Variants in CPNE8 observed in about 807,000 individuals in gnomAD.
The protein encoded by CPNE8 is copine 8.
Under a neutral mutation model 81.5 loss-of-function variants are expected in CPNE8, and 45 were observed. That is an observed-to-expected ratio of 0.55 (90% CI 0.44 to 0.71). The LOEUF is 0.71. CPNE8 is among the 30% of genes least tolerant of loss of function. CPNE8 has a pLI of 0.00. For missense variants in CPNE8, 594 were observed against 672.1 expected (o/e 0.88, Z 1.28); for synonymous variants, 252 against 226.3 (o/e 1.11, Z -1.02).
At chr12:38,867,446 A>G (rs568718505) in intron 3 of CPNE8, among the ~76,000 whole-genome samples, 21 of 151,928 alleles carry the variant, frequency 1.4e-4, no homozygotes, top group Non-Finnish European at 2.5e-4. Context: ...GCTCAGTGTC[A>G]ATGGAATGGA....
chr12:38,856,859 C>A (rs1473863966), intron 3 of CPNE8, among the ~76,000 whole-genome samples: 1 of 151,882 alleles, frequency 6.6e-6, no homozygotes, highest in Non-Finnish European at 1.5e-5. Flanking sequence ...TATCACAAAA[C>A]CTTATGTTGT....
chr12:38,815,192 C>A (rs1031441119), intron 6 of CPNE8, among the ~76,000 whole-genome samples: 2 of 152,164 alleles, frequency 1.3e-5, no homozygotes, highest in African/African-American at 4.8e-5. Context: ...CCAGCCATAG[C>A]TCCATCTGCA....
chr12:38,857,804 G>C (rs975843427), intron 3 of CPNE8, among the ~76,000 whole-genome samples: 1 of 152,164 alleles, frequency 6.6e-6, no homozygotes, highest in South Asian at 2.1e-4. Flanking sequence ...GCTGAGGCAG[G>C]AGAATTGCTT....
chr12:38,756,989 TTAAA>T (rs1390107301), intron 10 of CPNE8, among the ~76,000 whole-genome samples: 1 of 152,198 alleles, frequency 6.6e-6, no homozygotes, highest in African/African-American at 2.4e-5. Flanking sequence ...AAACATGGGA[TTAAA>T]TAAAATATAT....
intron 1 of CPNE8, among the ~76,000 whole-genome samples, chr12:38,882,416 G>A (rs1167992219): frequency 1.3e-5 from 2 of 152,156 alleles, no homozygotes; most frequent in African/African-American, 4.8e-5. Flanking sequence ...CCAACACCTT[G>A]ATTTCAGCCC....
chr12:38,720,802 G>A (rs895369728), intron 13 of CPNE8: 2 of 152,200 alleles, frequency 1.3e-5, no homozygotes, highest in Admixed American at 6.5e-5. Flanking sequence ...TGCCTTTTCC[G>A]AGTTGGGGTA....
chr12:38,658,211 T>C (rs535302474), intron 19 of CPNE8, among the ~76,000 whole-genome samples: 5 of 152,096 alleles, frequency 3.3e-5, no homozygotes, highest in African/African-American at 1.2e-4. Context: ...TTAAATGACC[T>C]GATGGAGCTG....
At chr12:38,753,934 T>C (rs1941405751) in intron 10 of CPNE8, among the ~76,000 whole-genome samples, 1 of 152,176 alleles carries the variant, frequency 6.6e-6, no homozygotes, top group Non-Finnish European at 1.5e-5. Context: ...ACTGGGGGTC[T>C]TGGAACATAT....
At chr12:38,684,272 T>C (rs989948366) in intron 16 of CPNE8, among the ~76,000 whole-genome samples, 6 of 152,070 alleles carry the variant, frequency 3.9e-5, no homozygotes, top group African/African-American at 1.4e-4. Flanking sequence ...ATTAATGGAT[T>C]GTGAGATCAA....
intron 3 of CPNE8, among the ~76,000 whole-genome samples, chr12:38,859,514 T>C (rs1943798190): frequency 6.6e-6 from 1 of 152,182 alleles, no homozygotes; most frequent in Non-Finnish European, 1.5e-5. Flanking sequence ...TCTTGATCTT[T>C]GATTGAATGC....
chr12:38,800,986 T>C (rs1342621561), intron 6 of CPNE8, among the ~76,000 whole-genome samples: 1 of 149,856 alleles, frequency 6.7e-6, no homozygotes, highest in African/African-American at 2.5e-5. Context: ...GAGCAAAGCC[T>C]CCAAGAAATA....
chr12:38,685,016 T>C (rs1264706700), intron 16 of CPNE8, among the ~76,000 whole-genome samples: 2 of 152,334 alleles, frequency 1.3e-5, no homozygotes, highest in East Asian at 3.9e-4. Flanking sequence ...TGGGAATTTA[T>C]AAATTAGCTA....
chr12:38,762,898 G>A (rs558670813), intron 8 of CPNE8, among the ~76,000 whole-genome samples: 1 of 152,208 alleles, frequency 6.6e-6, no homozygotes, highest in East Asian at 1.9e-4. Context: ...AGTCTCTGTC[G>A]CCCAGGCTGG....
chr12:38,884,138 A>T (rs1944204671), intron 1 of CPNE8, among the ~76,000 whole-genome samples: 1 of 152,164 alleles, frequency 6.6e-6, no homozygotes, highest in African/African-American at 2.4e-5. Flanking sequence ...CTAATTTTAG[A>T]ATATTTTCCT....
chr12:38,821,366 A>C (rs1236697926), intron 6 of CPNE8, among the ~76,000 whole-genome samples: 2 of 152,200 alleles, frequency 1.3e-5, no homozygotes, highest in Admixed American at 1.3e-4. Context: ...TTTTTAAAAA[A>C]CACAATCCCT....
In CPNE8 at chr12:38,812,890, T is replaced by C. The variant is rs1332227533; in HGVS notation, c.407+16489A>G. 3.3e-5 allele frequency among the ~76,000 whole-genome samples: 5 copies of C among 152,290 alleles called. No individual in the cohort carries two copies. The East Asian group carries it at 9.7e-4, about 29-fold the overall frequency. ...TCTTGGATTCTGCAGCCTCCAAAAC[T>C]GTGAAAGATTAAACTTCTGTTCCTT... On this transcript the variant is annotated intron_variant, in intron 6 of 19. Transcript: ENST00000331366.
intron 4 of CPNE8, among the ~76,000 whole-genome samples, chr12:38,846,816 T>C (rs1771095293): frequency 6.6e-6 from 1 of 152,038 alleles, no homozygotes; most frequent in Admixed American, 6.6e-5. Flanking sequence ...AAGATTTGCA[T>C]CCAAGGAAAC....
chr12:38,742,346 C>T (rs1941127029), intron 10 of CPNE8, among the ~76,000 whole-genome samples: 1 of 152,024 alleles, frequency 6.6e-6, no homozygotes, highest in Non-Finnish European at 1.5e-5. Flanking sequence ...TACTATGCAG[C>T]CATAAAAAAT....
intron 6 of CPNE8, among the ~76,000 whole-genome samples, chr12:38,782,686 T>C (rs1352069569): frequency 6.7e-6 from 1 of 150,196 alleles, no homozygotes; most frequent in Non-Finnish European, 1.5e-5. Context: ...TGTTTTTGTT[T>C]TGTTTTTTTT....
Sources: allele counts gnomAD v4.1 joint callset (sites outside exome capture counted in the v4.1 genomes callset), GRCh38; gene constraint gnomAD v4.1.1; transcripts MANE v1.5; gene names NCBI Gene and HGNC (gene_info 2026-07-23, HGNC 2026-07-21).